KLHL26: variants seen among roughly 807,000 people sequenced by gnomAD.
KLHL26 encodes kelch like family member 26.
A neutral mutation model predicts 7.1 loss-of-function variants in KLHL26; 4 were observed. The ratio of observed to expected loss-of-function variants is 0.56; its 90% confidence interval spans 0.28 to 1.28. The LOEUF (loss-of-function observed/expected upper bound fraction) is 1.28. KLHL26 is among the 50% of genes most tolerant of loss of function. The pLI is 0.11. For missense variants in KLHL26, 896 were observed against 924.6 expected, an observed-to-expected ratio of 0.97 and a Z score of 0.40; for synonymous variants, 465 against 414.1, an observed-to-expected ratio of 1.12 and a Z score of -1.49.
rs74520853 is a variant in KLHL26, at chr19:18,638,456, G to T, written c.83+1319G>T. On this transcript the variant is annotated intron_variant, in intron 1 of 2. Transcript: ENST00000300976. ...GAATCTGGTCTGCCAGAGGGGCCAT[G>T]GGGAACCCAGGAGGTGTGTGTCCAG... Among the ~76,000 whole-genome samples the T allele has an allele frequency of 3.0e-3, 461 of 152,326 alleles. 5 individuals are homozygous for T. Among genetic ancestry groups the T allele is most frequent in the African/African-American group, 0.011 (447 of 41,568 alleles).
intron 1 of KLHL26, among the ~76,000 whole-genome samples, chr19:18,660,942 G>T (rs1444179203): frequency 6.6e-6 from 1 of 152,218 alleles, no homozygotes; most frequent in African/African-American, 2.4e-5. Context: ...CCTGTAACCA[G>T]CAGTGGATGG....
chr19:18,666,595 C>T (rs2145410137), intron 2 of KLHL26, among the ~76,000 whole-genome samples: 1 of 152,272 alleles, frequency 6.6e-6, no homozygotes, highest in Middle Eastern at 3.4e-3. Flanking sequence ...TTCTGCCTCG[C>T]AGAGCACAGC....
rs1409634548 is a variant in KLHL26, at chr19:18,668,467, C to G, written c.1070C>G (p.Ala357Gly). 1 of 1,610,482 alleles carries G rather than the reference C, an allele frequency of 6.2e-7. No individual in the cohort carries two copies. The highest frequency in any genetic ancestry group is 1.1e-5 in the South Asian group (1 of 91,060). The change falls in exon 3 of 3, where the codon GCC becomes GGC. Residue 357 changes from alanine to glycine, a missense_variant. Ala to Gly is a moderately conservative substitution (Grantham distance 60, BLOSUM62 0). Transcript: ENST00000300976. ...GTAGGCTGCAGCCACACGTGCGTGGCCGTGCTGGACAATTTTGTGTACGTG... is the reference window on the plus strand; with the variant it reads ...GTAGGCTGCAGCCACACGTGCGTGGGCGTGCTGGACAATTTTGTGTACGTG... Reference protein sequence around the residue: ...MEVGCSHTCVAVLDNFVYVAG... With the variant: ...MEVGCSHTCVGVLDNFVYVAG...
intron 1 of KLHL26, among the ~76,000 whole-genome samples, chr19:18,644,065 C>T (rs550724897): frequency 1.3e-5 from 2 of 152,346 alleles, no homozygotes; most frequent in South Asian, 4.1e-4. Flanking sequence ...TTCATTAGCA[C>T]TAACCCCCTA....
At chr19:18,644,241 A>G (rs756308797) in intron 1 of KLHL26, among the ~76,000 whole-genome samples, 12 of 152,142 alleles carry the variant, frequency 7.9e-5, no homozygotes, top group Non-Finnish European at 1.6e-4. Flanking sequence ...TCAGCACTTC[A>G]TTCCTTTTTA....
chr19:18,642,338 A>AGTATGTGTGTGTGTGT lies in KLHL26; in HGVS notation c.83+5203_83+5204insATGTGTGTGTGTGTGT, dbSNP rs1362401503. Among the ~76,000 whole-genome samples the AGTATGTGTGTGTGTGT allele has an allele frequency of 7.3e-4, 91 of 123,884 alleles. 2 individuals are homozygous for AGTATGTGTGTGTGTGT. Among genetic ancestry groups the AGTATGTGTGTGTGTGT allele is most frequent in the African/African-American group, 2.7e-3 (81 of 30,248 alleles). The allele number at this position is 123,884 out of a possible 152,430, so 81.3% of individuals were successfully genotyped here. A position where few individuals can be genotyped will look rare whatever the true frequency, so the allele number is the denominator to read the frequency against. On this transcript the variant is annotated intron_variant, in intron 1 of 2. Transcript: ENST00000300976. ...CCCAGGACACTTTTGCTAGTCACCT[A>AGTATGTGTGTGTGTGT]GTGTGTGTGTGTGTGTGTGTGTGTG...
At position 18,646,818 on chromosome 19, in the gene KLHL26, T is replaced by C. The variant is rs981611991; in HGVS notation, c.83+9681T>C. 1.3e-5 allele frequency among the ~76,000 whole-genome samples: 2 copies of C among 152,256 alleles called. No homozygotes were observed. Among genetic ancestry groups the C allele is most frequent in the Admixed American group, 6.5e-5 (1 of 15,302 alleles). On this transcript the variant is annotated intron_variant, in intron 1 of 2. Transcript: ENST00000300976. The surrounding 1 kb of genome is among the most constrained non-coding windows in gnomAD (Gnocchi z 5.0). ...GAAAGGAGAGGGTGAACTTGAGCCA[T>C]TGGGAAGACAGTAGTGCCATGACTT...
chr19:18,658,362 C>G (rs555479971), intron 1 of KLHL26, among the ~76,000 whole-genome samples: 4 of 152,110 alleles, frequency 2.6e-5, no homozygotes, highest in Admixed American at 2.6e-4. Flanking sequence ...CTCTGGCACT[C>G]GAGCCCCACA....
rs2052502272 is a variant in KLHL26, at chr19:18,669,402, C to CTCCCTCCT, written c.*162_*169dup. 1 of 615,672 alleles carries CTCCCTCCT rather than the reference C, an allele frequency of 1.6e-6. No individual in the cohort carries two copies. Among genetic ancestry groups the CTCCCTCCT allele is most frequent in the Non-Finnish European group, 2.9e-6 (1 of 350,772 alleles). The allele number at this position is 615,672 out of a possible 1,614,324, so 38.1% of individuals were successfully genotyped here. A position where few individuals can be genotyped will look rare whatever the true frequency, so the allele number is the denominator to read the frequency against. On this transcript the variant is annotated 3_prime_UTR_variant, in exon 3 of 3. Transcript: ENST00000300976. ...AAGCCCCCCTCCCAGGGGTCCCTCC[C>CTCCCTCCT]TCCCTCCTTCCCAAAGCAGATCCTG...
Position 18,664,437 on chromosome 19 carries a change from A to G in KLHL26, c.260A>G (p.Tyr87Cys), listed in dbSNP as rs2145407292. ...GTCGTCCTGGCTGCCTGCAGCGACT[A>G]CTTCAGGTAAGTGCTGGCCCCAGGC... ...HKVVLAACSD[Y>C]FRAMFTGGMR... The change falls in exon 2 of 3, where the codon TAC becomes TGC. Residue 87 changes from tyrosine (Y) to cysteine (C), a missense_variant. By Grantham distance (194) the Tyr-to-Cys change is radical (BLOSUM62 -2). Coordinates refer to ENST00000300976, the MANE Select transcript of KLHL26 (RefSeq NM_018316.3). The G allele has an allele frequency of 1.3e-6, 2 of 1,577,848 alleles. No individual in the cohort carries two copies. The highest frequency in any genetic ancestry group is 8.6e-7 in the Non-Finnish European group (1 of 1,161,614).
Position 18,637,129 on chromosome 19 carries a change from C to A in KLHL26, c.75C>A (p.Arg25=). Reference sequence around the variant, plus strand: ...TCGGCGCGGGCCCGGGCCCCGAGCGCCCGAACAGGTGAGACCCGGCCCGCA... The same window carrying A: ...TCGGCGCGGGCCCGGGCCCCGAGCGACCGAACAGGTGAGACCCGGCCCGCA... ...GAFGAGPGPE[R]PNSTADKNGA... Residue 25 remains arginine (R), a synonymous_variant, in exon 1 of 3, where the codon CGC becomes CGA. Transcript: ENST00000300976. 1 of 1,352,284 alleles carries A rather than the reference C, an allele frequency of 7.4e-7. No homozygotes were observed. The highest frequency in any genetic ancestry group is 1.9e-5 in the South Asian group (1 of 52,696). 83.8% of individuals were successfully genotyped at this position (1,352,284 alleles called of 1,614,324 possible).
In KLHL26 at chr19:18,650,309, C is replaced by T. The variant is rs1020695130; in HGVS notation, c.83+13172C>T. Among the ~76,000 whole-genome samples, 2 of 152,124 alleles carry T rather than the reference C, an allele frequency of 1.3e-5. No individual in the cohort carries two copies. The highest frequency in any genetic ancestry group is 6.5e-5 in the Admixed American group (1 of 15,270). ...TGTGATCACCCAGATCGTCTGAGAG[C>T]GGGACATTTTCCCGGAGCGGGGTGG... On this transcript the variant is annotated intron_variant, in intron 1 of 2. Transcript: ENST00000300976. The surrounding 1 kb of genome is among the most constrained non-coding windows in gnomAD (Gnocchi z 4.2).
chr19:18,654,694 TATCCACCCATCC>T (rs1387792405), intron 1 of KLHL26, among the ~76,000 whole-genome samples: 3 of 150,710 alleles, frequency 2.0e-5, no homozygotes, highest in Non-Finnish European at 4.4e-5. Context: ...CCCACCCATC[TATCCACCCATCC>T]ATCCACTCAT....
chr19:18,642,310 G>C (rs1976725629), intron 1 of KLHL26, among the ~76,000 whole-genome samples: 1 of 148,836 alleles, frequency 6.7e-6, no homozygotes. Context: ...AGCTCAAGTA[G>C]TCCCCAGGAC....
At position 18,668,214 on chromosome 19, in the gene KLHL26, G is replaced by T; in HGVS notation, c.817G>T (p.Glu273Ter). Residue 273 changes from glutamate to a stop codon, truncating the protein, a stop_gained, in exon 3 of 3, where the codon GAG (glutamate) becomes TAG (stop). Coordinates refer to ENST00000300976, the MANE Select transcript of KLHL26 (RefSeq NM_018316.3). LOFTEE classifies it low-confidence loss of function (END_TRUNC). ...DSVQTLDIMV[E>*]DVLCRQYLLE... is the part of the protein sequence containing the mutation. ...CGTGCAGACGCTGGACATCATGGTG[G>T]AGGACGTGCTGTGCCGCCAGTATCT... 6.2e-7 allele frequency: 1 copy of T among 1,611,896 alleles called. No individual in the cohort carries two copies. Among genetic ancestry groups the T allele is most frequent in the South Asian group, 1.1e-5 (1 of 91,076 alleles).
chr19:18,660,439 CG>C (rs759390341), intron 1 of KLHL26, among the ~76,000 whole-genome samples: 2 of 152,204 alleles, frequency 1.3e-5, no homozygotes, highest in Admixed American at 1.3e-4. Context: ...GACTCACGTG[CG>C]GGTGACCGTC....
At chr19:18,653,372 ACCCACCCACCCATCCG>A (rs2052281734) in intron 1 of KLHL26, among the ~76,000 whole-genome samples, 1 of 64,872 alleles carries the variant, frequency 1.5e-5, no homozygotes, top group African/African-American at 6.3e-5. Flanking sequence ...CCACCCCACC[ACCCACCCACCCATCCG>A]CCCACCCACC....
chr19:18,657,353 T>C (rs1169788470), intron 1 of KLHL26, among the ~76,000 whole-genome samples: 1 of 151,804 alleles, frequency 6.6e-6, no homozygotes, highest in Middle Eastern at 3.4e-3. Flanking sequence ...TCTCTGAGTC[T>C]CTGTGTCTTC....
chr19:18,645,490 G>A (rs1976786285), intron 1 of KLHL26, among the ~76,000 whole-genome samples: 1 of 152,044 alleles, frequency 6.6e-6, no homozygotes, highest in Non-Finnish European at 1.5e-5. Flanking sequence ...TCTGGGTGAG[G>A]GATGTGCCAG....
Sources: allele counts gnomAD v4.1 joint callset (sites outside exome capture counted in the v4.1 genomes callset), GRCh38; gene constraint gnomAD v4.1.1; non-coding constraint Gnocchi (gnomAD v3.1); transcripts MANE v1.5; gene names NCBI Gene and HGNC (gene_info 2026-07-23, HGNC 2026-07-21).